Variants in ZNF521 observed in about 807,000 individuals in gnomAD.
ZNF521 encodes zinc finger protein 521, also known as LYST-interacting protein 3.
Under a neutral mutation model 105.5 loss-of-function variants are expected in ZNF521, and 14 were observed. The ratio of observed to expected loss-of-function variants is 0.13; its 90% CI spans 0.09 to 0.21. The LOEUF is 0.21. Ranked by LOEUF, ZNF521 falls within the 10% of genes least tolerant of loss-of-function variation. ZNF521 has a pLI of 1.00. For synonymous variants in ZNF521, 635 were observed against 606.0 expected, an observed-to-expected ratio of 1.05 and a Z score of -0.70; for missense variants, 1,233 against 1,629.7, an observed-to-expected ratio of 0.76 and a Z score of 4.19.
intron 5 of ZNF521, among the ~76,000 whole-genome samples, chr18:25,103,315 CA>C (rs1415971040): frequency 6.6e-6 from 1 of 152,112 alleles, no homozygotes. Flanking sequence ...AACTGTTACC[CA>C]AAACCCTGTG....
chr18:25,313,683 C>A (rs1912447785), intron 3 of ZNF521, among the ~76,000 whole-genome samples: 1 of 152,046 alleles, frequency 6.6e-6, no homozygotes, highest in Non-Finnish European at 1.5e-5. Flanking sequence ...TATTTTTAAA[C>A]CCTGTTTATT....
chr18:25,251,002 C>T (rs1431404652), intron 3 of ZNF521, among the ~76,000 whole-genome samples: 1 of 152,136 alleles, frequency 6.6e-6, no homozygotes, highest in Non-Finnish European at 1.5e-5. Context: ...ACGAAACACT[C>T]AAATAACTGA....
intron 5 of ZNF521, among the ~76,000 whole-genome samples, chr18:25,132,833 C>T (rs2034665032): frequency 6.6e-6 from 1 of 152,142 alleles, no homozygotes; most frequent in Non-Finnish European, 1.5e-5. Flanking sequence ...GAACACGCTG[C>T]CTGTCAATGT....
chr18:25,254,702 C>T (rs921138442), intron 3 of ZNF521, among the ~76,000 whole-genome samples: 2 of 152,030 alleles, frequency 1.3e-5, no homozygotes, highest in Non-Finnish European at 2.9e-5. Flanking sequence ...ATGGGAGTAG[C>T]CCACTGTAAA....
chr18:25,282,978 C>T (rs1910472158), intron 3 of ZNF521, among the ~76,000 whole-genome samples: 1 of 152,204 alleles, frequency 6.6e-6, no homozygotes, highest in Admixed American at 6.5e-5. Flanking sequence ...TGCTTAAGTA[C>T]AAAATGCTTT....
chr18:25,243,285 T>C (rs1907475250), intron 3 of ZNF521, among the ~76,000 whole-genome samples: 1 of 152,210 alleles, frequency 6.6e-6, no homozygotes, highest in Non-Finnish European at 1.5e-5. Flanking sequence ...TTAAATGGTA[T>C]CATGCCTCAA....
chr18:25,315,138 T>C (rs183718432), intron 3 of ZNF521, among the ~76,000 whole-genome samples: 40 of 152,296 alleles, frequency 2.6e-4, no homozygotes, highest in Admixed American at 1.0e-3. Context: ...AATATATATT[T>C]TGATAATCTG....
rs560538896 is a variant in ZNF521 at position 25,253,725 on chromosome 18, G to A, written c.221-26028C>T. Among the ~76,000 whole-genome samples the A allele has an allele frequency of 1.2e-4, 19 of 152,230 alleles. 1 individual carries two copies. The highest frequency in any genetic ancestry group is 4.6e-4 in the African/African-American group (19 of 41,558). ...CAGCATTTGGATAATAAAAAATATG[G>A]TTAATAAGAAATGATCAGCATGTAA... On this transcript the variant is annotated intron_variant, in intron 3 of 7. Coordinates refer to ENST00000361524, the MANE Select transcript of ZNF521 (RefSeq NM_015461.3).
intron 3 of ZNF521, among the ~76,000 whole-genome samples, chr18:25,283,927 C>G (rs1055047700): frequency 1.1e-4 from 16 of 140,626 alleles, no homozygotes; most frequent in East Asian, 7.3e-4. Context: ...TACTTTCCCC[C>G]CCCCCCAAAA....
intron 7 of ZNF521, among the ~76,000 whole-genome samples, chr18:25,072,579 GCCA>G (rs2033253390): frequency 6.6e-6 from 1 of 152,138 alleles, no homozygotes; most frequent in Non-Finnish European, 1.5e-5. Flanking sequence ...GAGCAAAATG[GCCA>G]CTGGGAAATA....
At chr18:25,127,516 A>C (rs112296378) in intron 5 of ZNF521, among the ~76,000 whole-genome samples, 4,064 of 152,162 alleles carry the variant, frequency 0.027, 87 homozygotes, top group Non-Finnish European at 0.04. Context: ...AAAAAGGAGA[A>C]TTTATGCAAC....
intron 3 of ZNF521, among the ~76,000 whole-genome samples, chr18:25,313,823 A>G (rs1801169798): frequency 1.3e-5 from 2 of 152,322 alleles, no homozygotes; most frequent in South Asian, 2.1e-4. Context: ...TAAAATGCAT[A>G]TAGAGATGGG....
In ZNF521 at chr18:25,269,860, C is replaced by T. The variant is rs527478567; in HGVS notation, c.221-42163G>A. On this transcript the variant is annotated intron_variant, in intron 3 of 7. Coordinates refer to ENST00000361524, the MANE Select transcript of ZNF521 (RefSeq NM_015461.3). ...GCAGGAAAGAACTAAAACTGACACC[C>T]TAACATCACAATTAAAAGATGTAGA... 5.9e-5 allele frequency among the ~76,000 whole-genome samples: 9 copies of T among 152,224 alleles called. No individual in the cohort carries two copies. In the South Asian group the frequency reaches 1.9e-3, roughly 32 times the overall value.
intron 5 of ZNF521, among the ~76,000 whole-genome samples, chr18:25,173,960 G>A (rs960697201): frequency 1.3e-5 from 2 of 151,866 alleles, no homozygotes; most frequent in Admixed American, 6.6e-5. Context: ...ATTTTATCTG[G>A]CAAAAAGTAT....
At chr18:25,255,297 T>A (rs1421474315) in intron 3 of ZNF521, among the ~76,000 whole-genome samples, 1 of 152,142 alleles carries the variant, frequency 6.6e-6, no homozygotes, top group Non-Finnish European at 1.5e-5. Flanking sequence ...TGGAAACAAT[T>A]GAGAATTTTA....
At chr18:25,207,962 A>G (rs1296300472) in intron 4 of ZNF521, among the ~76,000 whole-genome samples, 1 of 152,194 alleles carries the variant, frequency 6.6e-6, no homozygotes, top group Non-Finnish European at 1.5e-5. Context: ...CTACCACAGT[A>G]TATAATATGA....
chr18:25,174,932 T>C (rs1299340210), intron 5 of ZNF521, among the ~76,000 whole-genome samples: 1 of 152,204 alleles, frequency 6.6e-6, no homozygotes, highest in Non-Finnish European at 1.5e-5. Flanking sequence ...TACTTACAAG[T>C]CTTCTCATTT....
At chr18:25,084,424 T>C (rs2033575549) in intron 7 of ZNF521, among the ~76,000 whole-genome samples, 1 of 150,964 alleles carries the variant, frequency 6.6e-6, no homozygotes, top group African/African-American at 2.4e-5. Flanking sequence ...AAAATATGCA[T>C]CAAAATCAGG....
chr18:25,218,482 TA>T (rs35500329), intron 4 of ZNF521, among the ~76,000 whole-genome samples: 30,824 of 79,756 alleles, frequency 0.39, 4,647 homozygotes, highest in South Asian at 0.46. Flanking sequence ...TCGAGCCTAC[TA>T]AAAAAAAAAA....
Sources: gnomAD v4.1 joint callset for allele counts (sites outside exome capture counted in the v4.1 genomes callset) on GRCh38, gnomAD v4.1.1 for gene constraint, MANE v1.5 for transcripts, NCBI Gene and HGNC (gene_info 2026-07-23, HGNC 2026-07-21) for gene names.